PPP6R1: variants seen among roughly 807,000 people sequenced by gnomAD.
PPP6R1 encodes the protein serine/threonine-protein phosphatase 6 regulatory subunit 1.
In PPP6R1, 39 loss-of-function variants were observed where a neutral mutation model predicts 104.6. The observed-to-expected ratio is 0.37, with a 90% CI of 0.29 to 0.49. The LOEUF is 0.49. Among genes scored for constraint, PPP6R1 ranks in the 20% least tolerant of loss-of-function variants. The pLI, the probability that PPP6R1 is intolerant of heterozygous loss-of-function variation, is 0.98. For missense variants in PPP6R1, 1,181 were observed against 1,155.8 expected, an observed-to-expected ratio of 1.02 and a Z score of -0.32; for synonymous variants, 549 against 479.0, an observed-to-expected ratio of 1.15 and a Z score of -1.91.
chr19:55,228,697 TGA>T (rs1430202521), downstream of PPP6R1: 1 of 1,613,052 alleles, frequency 6.2e-7, no homozygotes, highest in South Asian at 1.1e-5. Flanking sequence ...TCACCTGGGC[TGA>T]GCAGTGAGTC....
intron 5 of PPP6R1, among the ~76,000 whole-genome samples, chr19:55,243,803 C>T (rs2087481854): frequency 6.6e-6 from 1 of 152,170 alleles, no homozygotes; most frequent in South Asian, 2.1e-4. Context: ...CAGGTGTGCA[C>T]CACCAATGCC....
At chr19:55,228,619 C>T, downstream of PPP6R1, 1 of 1,556,822 alleles carries the variant, frequency 6.4e-7, no homozygotes. Context: ...ACAGCAGCTC[C>T]CAGACCCGCC....
chr19:55,242,006 C>A (rs1318998438), intron 7 of PPP6R1, among the ~76,000 whole-genome samples, 160 bp downstream of exon 7: 1 of 152,164 alleles, frequency 6.6e-6, no homozygotes, highest in Non-Finnish European at 1.5e-5. Flanking sequence ...AGATTCCTCC[C>A]TCGGCCCCGT....
intron 7 of PPP6R1, 87 bp downstream of exon 7, chr19:55,242,079 C>T: frequency 2.3e-6 from 3 of 1,304,450 alleles, no homozygotes; most frequent in Non-Finnish European, 3.2e-6. Flanking sequence ...GGGGATTTCT[C>T]TTGGTGGACA....
rs770345100 is a variant in PPP6R1 at position 55,231,678 on chromosome 19, G to C, written c.2307-10C>G. ...TGTGGGGTCCTGAGACCTGGTAGGC[G>C]AGAGAGGCAGCCCAAGGGGGCAGCT... On this transcript the variant is annotated splice_polypyrimidine_tract_variant and intron_variant, in intron 19 of 23. Transcript: ENST00000412770. The C allele has an allele frequency of 6.3e-7, 1 of 1,592,602 alleles. No homozygotes were observed. The highest frequency in any genetic ancestry group is 8.6e-7 in the Non-Finnish European group (1 of 1,169,220).
intron 17 of PPP6R1, among the ~76,000 whole-genome samples, chr19:55,235,293 T>C (rs942247333): frequency 1.3e-5 from 2 of 151,776 alleles, no homozygotes; most frequent in East Asian, 1.9e-4. Context: ...CTCATTTTAC[T>C]GGAATTAGAG....
intron 5 of PPP6R1, among the ~76,000 whole-genome samples, chr19:55,243,404 C>CAAAAAAAAAAAAAAAAAAAAAA (rs58375899): frequency 2.4e-4 from 12 of 49,128 alleles, no homozygotes; most frequent in African/African-American, 8.5e-4. Context: ...GACTCCATCT[C>CAAAAAAAAAAAAAAAAAAAAAA]AAAAAAAAAA....
At chr19:55,249,578 C>T (rs2087537359) in intron 1 of PPP6R1, among the ~76,000 whole-genome samples, 1 of 152,146 alleles carries the variant, frequency 6.6e-6, no homozygotes, top group South Asian at 2.1e-4. Context: ...TGGTGGCTCA[C>T]GCCTATAATC....
At position 55,230,698 on chromosome 19, in the gene PPP6R1, G is replaced by A. The variant is rs762207713; in HGVS notation, c.2571-14C>T. ...AGGGCCTGGGCACTGTCAGGGGAGA[G>A]AGGGGATGTGCAGAGGTCACTTCCT... On this transcript the variant is annotated splice_polypyrimidine_tract_variant and intron_variant, in intron 22 of 23. Transcript: ENST00000412770. 25 of 1,569,148 alleles carry A rather than the reference G, an allele frequency of 1.6e-5. No homozygotes were observed. The East Asian group carries it at 5.3e-4, about 33-fold the overall frequency.
At position 55,241,472 on chromosome 19, in the gene PPP6R1, C is replaced by A; in HGVS notation, c.1008+5G>T. The stretch of plus-strand genomic sequence containing the variant: ...TCCCCGAGGACCAGAACCCACACCC[C>A]TGACCTTGGGAGGCTCCAGCAGGAG... On this transcript the variant is annotated splice_donor_5th_base_variant and intron_variant, in intron 8 of 23. Transcript: ENST00000412770. The surrounding 1 kb of genome is among the most constrained non-coding windows in gnomAD (Gnocchi z 5.4). The A allele has an allele frequency of 6.2e-7, 1 of 1,603,846 alleles. No individual in the cohort carries two copies. The highest frequency in any genetic ancestry group is 8.5e-7 in the Non-Finnish European group (1 of 1,175,228).
In PPP6R1 at chr19:55,230,879, G is replaced by T; in HGVS notation, c.2465C>A (p.Thr822Asn). The change falls in exon 22 of 24, where the codon ACC becomes AAC. Residue 822 changes from threonine (T) to asparagine (N), a missense_variant. Coordinates refer to ENST00000412770, the MANE Select transcript of PPP6R1 (RefSeq NM_014931.4). ...TGGGACAGAGGTAGAGGGGTCTCTG[G>T]TTGCACTGTGGGTGAGAGGCAGGTG... The part of the protein sequence containing the change: ...RSAPSSSDSA[T>N]RDPSTSVPAS... The T allele has an allele frequency of 6.2e-7, 1 of 1,604,968 alleles. No individual in the cohort carries two copies.
At chr19:55,243,397 T>TC in intron 5 of PPP6R1, among the ~76,000 whole-genome samples, 1 of 106,994 alleles carries the variant, frequency 9.3e-6, no homozygotes, top group African/African-American at 4.4e-5. Context: ...AGAGCGAGAC[T>TC]CCATCTCAAA....
At position 55,241,157 on chromosome 19, in the gene PPP6R1, C is replaced by T; in HGVS notation, c.1162-78G>A. 6.7e-7 allele frequency: 1 copy of T among 1,497,214 alleles called. No individual in the cohort carries two copies. The highest frequency in any genetic ancestry group is 8.9e-7 in the Non-Finnish European group (1 of 1,123,076). The allele number at this position is 1,497,214 out of a possible 1,614,324, so 92.7% of individuals were successfully genotyped here. A position where few individuals can be genotyped will look rare whatever the true frequency, so the allele number is the denominator to read the frequency against. ...CCAACCCCTGAGCCCCCAGCCGAGC[C>T]CCCACCCCAGCCCCCGAACCCTCAG... On this transcript the variant is annotated intron_variant, in intron 9 of 23. Transcript: ENST00000412770. This position sits in a 1 kb window ranked among gnomAD's most constrained non-coding sequence, Gnocchi z 5.4.
intron 17 of PPP6R1, among the ~76,000 whole-genome samples, chr19:55,233,771 G>T (rs547520770): frequency 6.6e-6 from 1 of 152,138 alleles, no homozygotes; most frequent in African/African-American, 2.4e-5. Context: ...ATTGTTGAAA[G>T]AAATTTTAAG....
At position 55,230,992 on chromosome 19, in the gene PPP6R1, CCT is replaced by C. The variant is rs1460613037; in HGVS notation, c.2460-110_2460-109del. On this transcript the variant is annotated intron_variant, in intron 21 of 23. Transcript: ENST00000412770. ...CGGCTCACTGGGTGTGTGTCTGCCA[CCT>C]GCCCCACGGGGAGGGGCCTCCCGAG... 5.2e-6 allele frequency: 5 copies of C among 961,904 alleles called. No homozygotes were observed. The East Asian group carries it at 1.3e-4, about 25-fold the overall frequency. The allele number at this position is 961,904 out of a possible 1,614,324, so 59.6% of individuals were successfully genotyped here.
At chr19:55,234,532 T>C (rs1189912484) in intron 17 of PPP6R1, among the ~76,000 whole-genome samples, 3 of 152,098 alleles carry the variant, frequency 2.0e-5, no homozygotes, top group Admixed American at 6.5e-5. Context: ...TGGAAAACCA[T>C]AGAAATAATG....
intron 15 of PPP6R1, chr19:55,238,649 C>G (rs1476429807): frequency 6.6e-6 from 1 of 152,234 alleles, no homozygotes; most frequent in East Asian, 1.9e-4. Flanking sequence ...CACCTGCCAC[C>G]ACGCCTGGCT....
At position 55,247,246 on chromosome 19, in the gene PPP6R1, G is replaced by A. The variant is rs547199968; in HGVS notation, c.-6-137C>T. 41 of 876,578 alleles carry A rather than the reference G, an allele frequency of 4.7e-5. No homozygotes were observed. In the East Asian group the frequency reaches 1.1e-3, roughly 23 times the overall value. The allele number at this position is 876,578 out of a possible 1,614,324, so 54.3% of individuals were successfully genotyped here. On this transcript the variant is annotated intron_variant, in intron 1 of 23. Coordinates refer to ENST00000412770, the MANE Select transcript of PPP6R1 (RefSeq NM_014931.4). ...GTCCCAGCCCTCTGCCTCATGCTGA[G>A]CCCGGCCCCGCCCCGGGACTGCCCG...
rs562799867 is a variant in PPP6R1, at chr19:55,236,817, T to C, written c.1814A>G (p.Asn605Ser). The C allele has an allele frequency of 3.5e-5, 57 of 1,613,924 alleles. No individual in the cohort carries two copies. In the South Asian group the frequency reaches 6.0e-4, roughly 17 times the overall value. Residue 605 changes from asparagine (N) to serine (S), a missense_variant, in exon 17 of 24, where the codon AAC (asparagine) becomes AGC (serine). Coordinates refer to ENST00000412770, the MANE Select transcript of PPP6R1 (RefSeq NM_014931.4). ...GTAGCATATCTCAAGTAGGTTGGCG[T>C]TGGGCTGCAGGGCACAGGGGTGGGA... ...FSLNADDENPNANLLEICYKD... is the reference protein window; with the variant it reads ...FSLNADDENPSANLLEICYKD...
Sources: allele counts gnomAD v4.1 joint callset (sites outside exome capture counted in the v4.1 genomes callset), GRCh38; gene constraint gnomAD v4.1.1; non-coding constraint Gnocchi (gnomAD v3.1); transcripts MANE v1.5; gene names NCBI Gene and HGNC (gene_info 2026-07-23, HGNC 2026-07-21).